Variants in ZMYM4 observed in about 807,000 individuals in gnomAD.
ZMYM4 encodes the protein zinc finger MYM-type protein 4.
Under a neutral mutation model 183.2 loss-of-function variants are expected in ZMYM4, and 31 were observed. The ratio of observed to expected loss-of-function variants is 0.17; its 90% CI spans 0.13 to 0.23. The LOEUF is 0.23. Among genes scored for constraint, ZMYM4 ranks in the 10% least tolerant of loss-of-function variants. ZMYM4 has a pLI of 1.00. For synonymous variants in ZMYM4, 592 were observed against 631.2 expected (o/e 0.94, Z 0.93); for missense variants, 1,273 against 1,840.3 (o/e 0.69, Z 5.64).
chr1:35,289,716 G>A lies in ZMYM4; in HGVS notation c.39+20631G>A, dbSNP rs559819514. ...GCATACTTAACCCACTATCAACTAAGATGTCAATAGCACTGCCCCACTAGT... is the reference window on the plus strand; with the variant it reads ...GCATACTTAACCCACTATCAACTAAAATGTCAATAGCACTGCCCCACTAGT... On this transcript the variant is annotated intron_variant, in intron 1 of 29. Coordinates refer to ENST00000314607, the MANE Select transcript of ZMYM4 (RefSeq NM_005095.3). 6.6e-5 allele frequency among the ~76,000 whole-genome samples: 10 copies of A among 152,220 alleles called. No individual in the cohort carries two copies. The East Asian group carries it at 1.7e-3, about 26-fold the overall frequency.
chr1:35,402,583 C>T (rs899707563), intron 23 of ZMYM4, among the ~76,000 whole-genome samples: 1 of 152,070 alleles, frequency 6.6e-6, no homozygotes, highest in East Asian at 1.9e-4. Context: ...CATGCCACTG[C>T]ACTCTAGTCT....
chr1:35,351,045 C>A, intron 2 of ZMYM4: 1 of 863,012 alleles, frequency 1.2e-6, no homozygotes, highest in Non-Finnish European at 1.9e-6. Context: ...CCGCAGCCTT[C>A]TCAATAGGTT....
In ZMYM4 at chr1:35,268,975, C is replaced by A. The variant is rs910743290; in HGVS notation, c.-72C>A. 1 of 1,466,808 alleles carries A rather than the reference C, an allele frequency of 6.8e-7. No individual in the cohort carries two copies. Among genetic ancestry groups the A allele is most frequent in the Non-Finnish European group, 9.0e-7 (1 of 1,106,108 alleles). The allele number at this position is 1,466,808 out of a possible 1,614,324, so 90.9% of individuals were successfully genotyped here. A position where few individuals can be genotyped will look rare whatever the true frequency, so the allele number is the denominator to read the frequency against. On this transcript the variant is annotated 5_prime_UTR_variant, in exon 1 of 30. Transcript: ENST00000314607. ...GAGGCGGCCGTGCCTGCAGTGTGGG[C>A]GGGGGCCGGGGGGCCGAGAGGTACC...
chr1:35,284,113 A>T (rs1570247398), intron 1 of ZMYM4, among the ~76,000 whole-genome samples: 1 of 151,812 alleles, frequency 6.6e-6, no homozygotes. Flanking sequence ...AGTAGCTGGG[A>T]CTACAGGTGC....
intron 7 of ZMYM4, among the ~76,000 whole-genome samples, chr1:35,371,062 A>AGTGTGTGTGT (rs67591506): frequency 2.4e-4 from 30 of 126,172 alleles, no homozygotes; most frequent in East Asian, 4.4e-4. Context: ...AATGGCTTCC[A>AGTGTGTGTGT]GTGTGTGTGT....
intron 2 of ZMYM4, among the ~76,000 whole-genome samples, chr1:35,327,955 A>C (rs1642574909): frequency 6.6e-6 from 1 of 152,208 alleles, no homozygotes; most frequent in Non-Finnish European, 1.5e-5. Context: ...CTTGGAAGGC[A>C]TGCCTCTGTC....
chr1:35,315,119 A>G (rs12127537), intron 1 of ZMYM4, among the ~76,000 whole-genome samples: 113,389 of 148,748 alleles, frequency 0.76, 47,708 homozygotes, highest in Non-Finnish European at 0.97. Context: ...AATGGGCTCT[A>G]TTCTCTATAT....
chr1:35,390,172 A>G, intron 15 of ZMYM4, 74 bp downstream of exon 15: 1 of 1,459,862 alleles, frequency 6.8e-7, no homozygotes, highest in Middle Eastern at 1.9e-4. Context: ...CAGATCAGGA[A>G]CTGTGTAAAC....
chr1:35,370,337 A>ATTTT, intron 6 of ZMYM4, 35 bp from the exon 7 acceptor site: 1 of 1,077,284 alleles, frequency 9.3e-7, no homozygotes, highest in South Asian at 1.7e-5. Flanking sequence ...TTTTTCTTTC[A>ATTTT]ATTTTTTTTT....
In ZMYM4 at chr1:35,286,772, A is replaced by ATTTTTTTTTTTTTTTT. The variant is rs71062872; in HGVS notation, c.39+17710_39+17725dup. Among the ~76,000 whole-genome samples, 3 of 46,462 alleles carry ATTTTTTTTTTTTTTTT rather than the reference A, an allele frequency of 6.5e-5. 1 individual carries two copies. The highest frequency in any genetic ancestry group is 8.7e-5 in the Non-Finnish European group (2 of 22,876). The allele number at this position is 46,462 out of a possible 152,430, so 30.5% of individuals were successfully genotyped here. A position where few individuals can be genotyped will look rare whatever the true frequency, so the allele number is the denominator to read the frequency against. ...ACCCTTGTGCCTGGCTATTTAAATA[A>ATTTTTTTTTTTTTTTT]TTTTTTTTTTTTTTTTTTTTTTTTT... On this transcript the variant is annotated intron_variant, in intron 1 of 29. Coordinates refer to ENST00000314607, the MANE Select transcript of ZMYM4 (RefSeq NM_005095.3).
chr1:35,272,036 A>T (rs533639), intron 1 of ZMYM4, among the ~76,000 whole-genome samples: 1,616 of 152,268 alleles, frequency 0.011, 30 homozygotes, highest in African/African-American at 0.032. Context: ...ATTTCATTAG[A>T]ATGTTCGGTA....
At chr1:35,359,512 T>A in intron 3 of ZMYM4, 66 bp downstream of exon 3, 1 of 1,399,394 alleles carries the variant, frequency 7.1e-7, no homozygotes, top group Non-Finnish European at 9.5e-7. Context: ...TATATAGCTT[T>A]TATTACTTTT....
At position 35,372,322 on chromosome 1, in the gene ZMYM4, A is replaced by AT. The variant is rs140644258; in HGVS notation, c.1181+1699dup. On this transcript the variant is annotated intron_variant, in intron 7 of 29. Coordinates refer to ENST00000314607, the MANE Select transcript of ZMYM4 (RefSeq NM_005095.3). ...ATACCAGGGCTATTTTGAGTGATAG[A>AT]TTTTGGCTTATTTCTTTAAAAATTT... Among the ~76,000 whole-genome samples, 970 of 152,310 alleles carry AT rather than the reference A, an allele frequency of 6.4e-3. 25 individuals are homozygous for AT. In the East Asian group the frequency reaches 0.069, roughly 11 times the overall value.
chr1:35,282,925 G>A (rs1383193329), intron 1 of ZMYM4, among the ~76,000 whole-genome samples: 1 of 146,216 alleles, frequency 6.8e-6, no homozygotes, highest in African/African-American at 2.5e-5. Context: ...AGCAATGCAT[G>A]AGGATTCCAG....
At chr1:35,350,089 A>G (rs1315155234) in intron 2 of ZMYM4, among the ~76,000 whole-genome samples, 3 of 151,592 alleles carry the variant, frequency 2.0e-5, no homozygotes, top group Non-Finnish European at 4.4e-5. Flanking sequence ...CAGCCTCTTG[A>G]GTAGCTGGGA....
At chr1:35,394,124 A>G (rs1347728828) in intron 18 of ZMYM4, among the ~76,000 whole-genome samples, 1 of 147,168 alleles carries the variant, frequency 6.8e-6, no homozygotes, top group Non-Finnish European at 1.5e-5. Context: ...CACTGTTTCA[A>G]ATGAAGTCAG....
chr1:35,292,968 C>G (rs897079931), intron 1 of ZMYM4, among the ~76,000 whole-genome samples: 1 of 151,450 alleles, frequency 6.6e-6, no homozygotes, highest in Non-Finnish European at 1.5e-5. Flanking sequence ...GTAGGTACTG[C>G]TACCATAATA....
At chr1:35,309,784 A>T (rs1235587685) in intron 1 of ZMYM4, among the ~76,000 whole-genome samples, 2 of 147,124 alleles carry the variant, frequency 1.4e-5, no homozygotes, top group Non-Finnish European at 3.0e-5. Flanking sequence ...ACTCTGTCTT[A>T]AAAAAAAACC....
chr1:35,304,256 C>T (rs937508893), intron 1 of ZMYM4, among the ~76,000 whole-genome samples: 5 of 152,082 alleles, frequency 3.3e-5, no homozygotes, highest in African/African-American at 1.2e-4. Flanking sequence ...GAACTCCTGA[C>T]CTAGTGATCT....
Sources: allele counts gnomAD v4.1 joint callset (sites outside exome capture counted in the v4.1 genomes callset), GRCh38; gene constraint gnomAD v4.1.1; transcripts MANE v1.5; gene names NCBI Gene and HGNC (gene_info 2026-07-23, HGNC 2026-07-21).